Variants in POLR1A observed in about 807,000 individuals in gnomAD.
POLR1A encodes RNA polymerase I subunit A, also known as DNA-directed RNA polymerase I subunit RPA1.
Under a neutral mutation model 205.3 loss-of-function variants are expected in POLR1A, and 84 were observed. That is an observed-to-expected ratio of 0.41 (90% CI 0.34 to 0.49). The LOEUF is 0.49. Among genes scored for constraint, POLR1A ranks in the 20% least tolerant of loss-of-function variants. The probability of loss-of-function intolerance (pLI) is 0.22; values close to 1 mark genes in which losing one functional copy is unlikely to be tolerated. For synonymous variants in POLR1A, 799 were observed against 863.7 expected, an observed-to-expected ratio of 0.93 and a Z score of 1.31; for missense variants, 1,645 against 2,204.5, an observed-to-expected ratio of 0.75 and a Z score of 5.08.
At chr2:86,036,111 TACAA>T (rs889325928) in intron 27 of POLR1A, among the ~76,000 whole-genome samples, 1 of 152,090 alleles carries the variant, frequency 6.6e-6, no homozygotes, top group African/African-American at 2.4e-5. Flanking sequence ...CGTAAATAAT[TACAA>T]ACAGAGCACA....
At chr2:86,045,160 A>G (rs1672688187) in intron 21 of POLR1A, 118 bp downstream of exon 21, 2 of 681,330 alleles carry the variant, frequency 2.9e-6, no homozygotes, top group African/African-American at 3.6e-5. Context: ...ATTCATGGAA[A>G]CTTTCCAAAA....
intron 3 of POLR1A, 106 bp from the exon 4 acceptor site, chr2:86,090,035 G>A (rs918680676): frequency 3.1e-6 from 2 of 651,010 alleles, no homozygotes; most frequent in Non-Finnish European, 5.5e-6. Flanking sequence ...CATTTGAAGG[G>A]AGAAAAAGAA....
rs183387635 is a variant in POLR1A at position 86,024,000 on chromosome 2, C to T, written c.*3423G>A. ...CTGACCTCAGATGATCTGCCCGCCT[C>T]GGCCTCCCAACGTATTGGGATTACA... On this transcript the variant is annotated 3_prime_UTR_variant, in exon 34 of 34. Transcript: ENST00000263857. 3.4e-3 allele frequency: 511 copies of T among 152,524 alleles called. 3 individuals carry two copies. The highest frequency in any genetic ancestry group is 0.01 in the Middle Eastern group (3 of 294). 9.4% of individuals were successfully genotyped at this position (152,524 alleles called of 1,614,324 possible). A position where few individuals can be genotyped will look rare whatever the true frequency, so the allele number is the denominator to read the frequency against.
chr2:86,028,412 C>T lies in POLR1A; in HGVS notation c.4897+182G>A, dbSNP rs747247999. Among the ~76,000 whole-genome samples the T allele has an allele frequency of 2.0e-5, 3 of 152,184 alleles. No individual in the cohort carries two copies. The highest frequency in any genetic ancestry group is 2.9e-5 in the Non-Finnish European group (2 of 68,036). On this transcript the variant is annotated intron_variant, in intron 32 of 33. Transcript: ENST00000263857. The surrounding 1 kb of genome is among the most constrained non-coding windows in gnomAD (Gnocchi z 4.5). ...CTGAAGCGGTCTCAGTGATGGGAGA[C>T]GTCACCTCTTCACAGATCTGCAGTC... is the stretch of plus-strand genomic sequence containing the variant.
intron 1 of POLR1A, among the ~76,000 whole-genome samples, chr2:86,102,736 C>A (rs1485812606): frequency 6.6e-6 from 1 of 152,198 alleles, no homozygotes; most frequent in Non-Finnish European, 1.5e-5. Flanking sequence ...TCCCTCCCAC[C>A]ATTACAGGAG....
chr2:86,031,442 C>T lies in POLR1A; in HGVS notation c.4466G>A (p.Ser1489Asn). 1 of 1,614,142 alleles carries T rather than the reference C, an allele frequency of 6.2e-7. No individual in the cohort carries two copies. The highest frequency in any genetic ancestry group is 8.5e-7 in the Non-Finnish European group (1 of 1,179,982). Residue 1489 changes from serine to asparagine, a missense_variant, in exon 30 of 34, where the codon AGC (serine) becomes AAC (asparagine). This residue lies in a region of POLR1A where 394 missense variants were observed against 468.5 expected (regional missense o/e 0.84). Coordinates refer to ENST00000263857, the MANE Select transcript of POLR1A (RefSeq NM_015425.6). Reference sequence around the variant, plus strand: ...GGCCTCGGGCCCCTGGGGCTCCTGGCTGTGGGTGGGTTTCCGGGGCTGCGT... The same window carrying T: ...GGCCTCGGGCCCCTGGGGCTCCTGGTTGTGGGTGGGTTTCCGGGGCTGCGT... ...LLTQPRKPTH[S>N]QEPQGPEAME...
At chr2:86,056,894 T>C (rs1167630492) in intron 14 of POLR1A, among the ~76,000 whole-genome samples, 1 of 152,206 alleles carries the variant, frequency 6.6e-6, no homozygotes, top group African/African-American at 2.4e-5. Flanking sequence ...TGACAATGCA[T>C]CTGGTCACCC....
At chr2:86,096,558 G>A (rs1428347572) in intron 3 of POLR1A, among the ~76,000 whole-genome samples, 1 of 152,132 alleles carries the variant, frequency 6.6e-6, no homozygotes, top group Non-Finnish European at 1.5e-5. Flanking sequence ...CAAAACAGTA[G>A]GATACTGGCA....
chr2:86,079,882 G>C (rs542469681), intron 9 of POLR1A, among the ~76,000 whole-genome samples: 191 of 152,246 alleles, frequency 1.3e-3, no homozygotes, highest in Non-Finnish European at 2.2e-3. Flanking sequence ...ATTTTTAAGG[G>C]ACATCAACCC....
chr2:86,077,746 C>T, intron 11 of POLR1A, 113 bp downstream of exon 11: 9 of 1,267,048 alleles, frequency 7.1e-6, no homozygotes, highest in Non-Finnish European at 1.0e-5. Context: ...ACATCCTGTC[C>T]CCAGTCCTCT....
At chr2:86,046,829 G>GA (rs1447333194) in intron 19 of POLR1A, among the ~76,000 whole-genome samples, 2 of 150,484 alleles carry the variant, frequency 1.3e-5, no homozygotes, top group Admixed American at 1.3e-4. Context: ...ACTTCATCTC[G>GA]AAAAAAAACG....
chr2:86,074,954 C>G (rs1419386857), intron 12 of POLR1A, 76 bp downstream of exon 12: 3 of 1,047,376 alleles, frequency 2.9e-6, no homozygotes, highest in Non-Finnish European at 4.3e-6. Flanking sequence ...GCACCGGAGC[C>G]ACACCTGATG....
chr2:86,103,918 A>C (rs1454198627), intron 1 of POLR1A, among the ~76,000 whole-genome samples: 1 of 152,202 alleles, frequency 6.6e-6, no homozygotes, highest in Non-Finnish European at 1.5e-5. Context: ...CACTGCATGC[A>C]GAGGGAATAG....
intron 14 of POLR1A, among the ~76,000 whole-genome samples, chr2:86,064,122 C>T (rs779762083): frequency 6.6e-5 from 10 of 152,172 alleles, no homozygotes; most frequent in East Asian, 1.9e-4. Flanking sequence ...GCTTCTGTCA[C>T]GGGTGAGATT....
chr2:86,031,264 C>G (rs750427456), intron 30 of POLR1A, 66 bp downstream of exon 30: 41 of 1,503,440 alleles, frequency 2.7e-5, no homozygotes, highest in Admixed American at 9.1e-5. Flanking sequence ...CAGCAGGCCC[C>G]TTCCACAGAG....
rs757210116 is a variant in POLR1A at position 86,097,214 on chromosome 2, CAAAAA to C, written c.432+1392_432+1396del. Among the ~76,000 whole-genome samples the C allele has an allele frequency of 1.8e-3, 73 of 39,690 alleles. No individual in the cohort carries two copies. In the South Asian group the frequency reaches 0.022, roughly 12 times the overall value. 26.0% of individuals were successfully genotyped at this position (39,690 alleles called of 152,430 possible). On this transcript the variant is annotated intron_variant, in intron 3 of 33. Coordinates refer to ENST00000263857, the MANE Select transcript of POLR1A (RefSeq NM_015425.6). ...CATTAGGATGGCTATCCCCAAAAGA[CAAAAA>C]AAAAAAAAAAAAAAAAAAAAAAAGC...
At chr2:86,056,997 T>A (rs567232263) in intron 14 of POLR1A, among the ~76,000 whole-genome samples, 3 of 152,364 alleles carry the variant, frequency 2.0e-5, no homozygotes, top group African/African-American at 7.2e-5. Context: ...GGAGTTATTT[T>A]GACTTTCAAG....
chr2:86,064,027 A>G (rs1673045471), intron 14 of POLR1A, among the ~76,000 whole-genome samples: 1 of 152,224 alleles, frequency 6.6e-6, no homozygotes, highest in African/African-American at 2.4e-5. Flanking sequence ...GCTGATTTCC[A>G]AATTCCATTA....
At chr2:86,080,542 A>C (rs754494963) in intron 9 of POLR1A, among the ~76,000 whole-genome samples, 36 of 152,310 alleles carry the variant, frequency 2.4e-4, no homozygotes, top group Admixed American at 3.9e-4. Flanking sequence ...TTTATAGCAG[A>C]CACTAGTATA....
Sources: gnomAD v4.1 joint callset for allele counts (sites outside exome capture counted in the v4.1 genomes callset) on GRCh38, gnomAD v4.1.1 for gene constraint, gnomAD v4.1.1 regional missense constraint, Gnocchi (gnomAD v3.1) non-coding constraint, MANE v1.5 for transcripts, NCBI Gene and HGNC (gene_info 2026-07-23, HGNC 2026-07-21) for gene names.